The following MFSD1 variants were observed in gnomAD, a reference collection of about 807,000 sequenced individuals.
The protein encoded by MFSD1 is lysosomal dipeptide transporter MFSD1.
Under a neutral mutation model 67.1 loss-of-function variants are expected in MFSD1, and 59 were observed. The observed-to-expected ratio is 0.88, with a 90% CI of 0.71 to 1.09. MFSD1 has a LOEUF of 1.09. Among genes scored for constraint, MFSD1 ranks in the 50% least tolerant of loss-of-function variants. MFSD1 has a pLI of 0.00. For missense variants in MFSD1, 552 were observed against 566.1 expected, an observed-to-expected ratio of 0.97 and a Z score of 0.25; for synonymous variants, 213 against 200.3, an observed-to-expected ratio of 1.06 and a Z score of -0.54.
At position 158,819,849 on chromosome 3, in the gene MFSD1, G is replaced by A. The variant is rs1308126220; in HGVS notation, c.751+102G>A. 1.4e-5 allele frequency: 8 copies of A among 568,142 alleles called. No homozygotes were observed. In the South Asian group the frequency reaches 2.1e-4, roughly 15 times the overall value. 35.2% of individuals were successfully genotyped at this position (568,142 alleles called of 1,614,324 possible). A position where few individuals can be genotyped will look rare whatever the true frequency, so the allele number is the denominator to read the frequency against. On this transcript the variant is annotated intron_variant, in intron 8 of 15. Transcript: ENST00000415822. ...ATGAAGTGTTGTAAAACCAGGTGGA[G>A]CTTAAGACATGATTTTTATTTTTTA... is the stretch of plus-strand genomic sequence containing the variant.
chr3:158,812,509 C>T (rs1296988506), intron 6 of MFSD1, among the ~76,000 whole-genome samples: 1 of 152,132 alleles, frequency 6.6e-6, no homozygotes, highest in African/African-American at 2.4e-5. Flanking sequence ...CCTGAGATTC[C>T]CTTCTAGAAA....
chr3:158,826,138 G>C, intron 14 of MFSD1, 76 bp downstream of exon 14: 1 of 1,172,832 alleles, frequency 8.5e-7, no homozygotes, highest in Non-Finnish European at 1.3e-6. Context: ...TGCCTCTTTG[G>C]GGGCCAGTGC....
chr3:158,809,396 ATTAAC>A, intron 6 of MFSD1, 109 bp downstream of exon 6: 1 of 691,318 alleles, frequency 1.4e-6, no homozygotes, highest in East Asian at 2.8e-5. Flanking sequence ...TAAATTAGAT[ATTAAC>A]TTTTATGGAT....
chr3:158,824,889 T>A (rs894671676), intron 13 of MFSD1, among the ~76,000 whole-genome samples: 1 of 152,212 alleles, frequency 6.6e-6, no homozygotes, highest in Non-Finnish European at 1.5e-5. Flanking sequence ...AGTGTGGTAT[T>A]TGCAGATAAT....
chr3:158,813,715 C>G (rs752308552), intron 6 of MFSD1, among the ~76,000 whole-genome samples: 5 of 146,358 alleles, frequency 3.4e-5, no homozygotes, highest in African/African-American at 7.5e-5. Flanking sequence ...GTAGGAAATT[C>G]TACATGTATT....
At chr3:158,803,585 T>A (rs1214364657) in intron 1 of MFSD1, among the ~76,000 whole-genome samples, 2 of 152,236 alleles carry the variant, frequency 1.3e-5, no homozygotes. Flanking sequence ...TCCTTTCTAA[T>A]GACAGTTTTT....
At chr3:158,818,988 C>T (rs908335731) in intron 7 of MFSD1, among the ~76,000 whole-genome samples, 7 of 152,194 alleles carry the variant, frequency 4.6e-5, no homozygotes, top group African/African-American at 1.7e-4. Context: ...GAATTTTCAA[C>T]CGGGCTGTGG....
Position 158,805,472 on chromosome 3 carries a change from A to C in MFSD1, c.327A>C (p.Ile109=), listed in dbSNP as rs1248103883. ...TTTTGATAGACCGAGTATTTGGAAT[A>C]CGGTAAGCTTGAAAAGAAACTATGG... The part of the protein sequence containing the change: ...GGFLIDRVFG[I]RWGTIIFSCF... The change falls in exon 3 of 16, where the codon ATA becomes ATC. Residue 109 remains isoleucine, a splice_region_variant and synonymous_variant. Transcript: ENST00000415822. 4 of 1,605,258 alleles carry C rather than the reference A, an allele frequency of 2.5e-6. No homozygotes were observed. In the African/African-American group the frequency reaches 4.0e-5, roughly 16 times the overall value.
chr3:158,806,897 G>T, intron 3 of MFSD1, 143 bp from the exon 4 acceptor site: 1 of 598,782 alleles, frequency 1.7e-6, no homozygotes, highest in Non-Finnish European at 2.9e-6. Context: ...TTCTTTCTTT[G>T]GAGGGAATAC....
intron 7 of MFSD1, among the ~76,000 whole-genome samples, chr3:158,816,244 G>A (rs1730336800): frequency 6.6e-6 from 1 of 152,318 alleles, no homozygotes; most frequent in Middle Eastern, 3.4e-3. Context: ...CTTCCACGAT[G>A]GTTGAACTAG....
chr3:158,817,352 A>G (rs528448611), intron 7 of MFSD1, among the ~76,000 whole-genome samples: 4 of 152,238 alleles, frequency 2.6e-5, no homozygotes, highest in Admixed American at 2.0e-4. Flanking sequence ...AGAAAACCCC[A>G]TTGTCTCAGC....
intron 11 of MFSD1, chr3:158,822,369 A>G (rs1405712267): frequency 7.1e-6 from 2 of 280,920 alleles, no homozygotes; most frequent in Admixed American, 4.9e-5. Flanking sequence ...AGTTAACTTC[A>G]GTGCTGAAAG....
chr3:158,822,053 C>T lies in MFSD1; in HGVS notation c.990C>T (p.Asn330=), dbSNP rs367548751. The T allele has an allele frequency of 9.2e-5, 149 of 1,613,824 alleles. No individual in the cohort carries two copies. The highest frequency in any genetic ancestry group is 1.2e-4 in the Non-Finnish European group (142 of 1,179,888). ...FGLLVDKTGK[N]IIWVLCAVAA... ...TCCTGGTGGATAAAACAGGGAAGAACATCATCTGGGTTCTTTGCGCAGTAG... is the reference window on the plus strand; with the variant it reads ...TCCTGGTGGATAAAACAGGGAAGAATATCATCTGGGTTCTTTGCGCAGTAG... The change falls in exon 11 of 16, where the codon AAC becomes AAT. Residue 330 remains asparagine (N), a synonymous_variant. Coordinates refer to ENST00000415822, the MANE Select transcript of MFSD1 (RefSeq NM_022736.4).
In MFSD1 at chr3:158,802,162, G is replaced by A; in HGVS notation, c.10G>A (p.Glu4Lys). Reference sequence around the variant, plus strand: ...GTCTCCTGCGGGCGCAATGGAGGAGGAGGATGAGGAAGCGCGGGCGCTCCT... The same window carrying A: ...GTCTCCTGCGGGCGCAATGGAGGAGAAGGATGAGGAAGCGCGGGCGCTCCT... The part of the protein sequence containing the change: MEE[E>K]DEEARALLAG... The change falls in exon 1 of 16, where the codon GAG becomes AAG. Residue 4 changes from glutamate (E) to lysine (K), a missense_variant. Physicochemically the swap from Glu to Lys is moderately conservative, Grantham distance 56. Transcript: ENST00000415822. 6.2e-7 allele frequency: 1 copy of A among 1,612,736 alleles called. No homozygotes were observed. Among genetic ancestry groups the A allele is most frequent in the Non-Finnish European group, 8.5e-7 (1 of 1,179,702 alleles).
At chr3:158,826,212 A>G (rs934781083) in intron 14 of MFSD1, 150 bp downstream of exon 14, 15 of 525,098 alleles carry the variant, frequency 2.9e-5, no homozygotes, top group Non-Finnish European at 5.1e-5. Context: ...TATGTAATAT[A>G]TAATTATGTT....
intron 15 of MFSD1, among the ~76,000 whole-genome samples, chr3:158,827,884 GACAGAGAGAGAC>G (rs1199990678): frequency 1.4e-5 from 2 of 147,556 alleles, no homozygotes; most frequent in African/African-American, 5.1e-5. Flanking sequence ...TTCTCTGTGA[GACAGAGAGAGAC>G]ACAGAGAGAG....
intron 3 of MFSD1, among the ~76,000 whole-genome samples, chr3:158,806,186 G>A (rs1437960979): frequency 1.3e-5 from 2 of 152,082 alleles, no homozygotes; most frequent in African/African-American, 4.8e-5. Flanking sequence ...TTACACCTGG[G>A]GACTAACCTT....
At position 158,804,361 on chromosome 3, in the gene MFSD1, A is replaced by G. The variant is rs745553928; in HGVS notation, c.206A>G (p.Gln69Arg). The G allele has an allele frequency of 1.9e-6, 3 of 1,610,774 alleles. No individual in the cohort carries two copies. The highest frequency in any genetic ancestry group is 2.2e-5 in the South Asian group (2 of 90,664). ...CYDNPAALQT[Q>R]VKRDMQVNTT... ...GATAATCCTGCTGCCCTTCAGACTCAAGTTAAACGAGTAAGTTGATTTTTC... is the reference window on the plus strand; with the variant it reads ...GATAATCCTGCTGCCCTTCAGACTCGAGTTAAACGAGTAAGTTGATTTTTC... Residue 69 changes from glutamine (Q) to arginine (R), a missense_variant, in exon 2 of 16, where the codon CAA becomes CGA. Transcript: ENST00000415822.
intron 11 of MFSD1, chr3:158,822,724 A>G (rs957274460): frequency 3.2e-5 from 5 of 153,970 alleles, no homozygotes; most frequent in Non-Finnish European, 5.8e-5. Context: ...GACTCCTAGA[A>G]GTAGAGATGC....
Sources: gnomAD v4.1 joint callset for allele counts (sites outside exome capture counted in the v4.1 genomes callset) on GRCh38, gnomAD v4.1.1 for gene constraint, MANE v1.5 for transcripts, NCBI Gene and HGNC (gene_info 2026-07-23, HGNC 2026-07-21) for gene names.